Variants in IL12RB2 observed in about 807,000 individuals in gnomAD.
The protein encoded by IL12RB2 is interleukin 12 receptor subunit beta 2.
In IL12RB2, 82 loss-of-function variants were observed where a neutral mutation model predicts 89.4. The ratio of observed to expected loss-of-function variants is 0.92; its 90% CI spans 0.77 to 1.10. IL12RB2 has a LOEUF of 1.10. Among genes scored for constraint, IL12RB2 ranks in the 50% least tolerant of loss-of-function variants. IL12RB2 has a pLI of 0.00. For synonymous variants in IL12RB2, 368 were observed against 370.1 expected, an observed-to-expected ratio of 0.99 and a Z score of 0.07; for missense variants, 963 against 1,031.9, an observed-to-expected ratio of 0.93 and a Z score of 0.92.
chr1:67,329,083 C>T (rs776693516), intron 6 of IL12RB2, among the ~76,000 whole-genome samples: 2 of 152,222 alleles, frequency 1.3e-5, no homozygotes, highest in Non-Finnish European at 2.9e-5. Flanking sequence ...ATTTACTATA[C>T]ACTTTTCCAC....
chr1:67,335,570 C>T (rs1287528158), intron 8 of IL12RB2, among the ~76,000 whole-genome samples: 2 of 152,170 alleles, frequency 1.3e-5, no homozygotes, highest in Non-Finnish European at 2.9e-5. Context: ...TTCCATTTCT[C>T]ATATTTGTAT....
intron 8 of IL12RB2, among the ~76,000 whole-genome samples, chr1:67,336,162 C>G (rs935567952): frequency 1.8e-4 from 28 of 152,176 alleles, no homozygotes; most frequent in African/African-American, 6.8e-4. Context: ...ATGTAGTGAA[C>G]TGTAATGGGA....
At position 67,396,195 on chromosome 1, in the gene IL12RB2, C is replaced by A. The variant is rs533130888; in HGVS notation, c.*106C>A. 92 of 808,276 alleles carry A rather than the reference C, an allele frequency of 1.1e-4. 1 individual carries two copies. Among genetic ancestry groups the A allele is most frequent in the Non-Finnish European group, 8.3e-5 (38 of 458,244 alleles). The allele number at this position is 808,276 out of a possible 1,614,324, so 50.1% of individuals were successfully genotyped here. ...AGCTGTCATCTCTGGGTGCCACCAT[C>A]GGTCTGGCTGCAGCTAGAGGACAGG... is the stretch of plus-strand genomic sequence containing the variant. On this transcript the variant is annotated 3_prime_UTR_variant, in exon 17 of 17. Coordinates refer to ENST00000674203, the MANE Select transcript of IL12RB2 (RefSeq NM_001374259.2).
chr1:67,372,038 TTTTG>T (rs762230667), intron 11 of IL12RB2, among the ~76,000 whole-genome samples: 6 of 151,622 alleles, frequency 4.0e-5, no homozygotes, highest in Non-Finnish European at 7.4e-5. Flanking sequence ...AGGCAAGTTG[TTTTG>T]TTTGTTTCAA....
chr1:67,319,079 G>C (rs1656160838), intron 2 of IL12RB2, among the ~76,000 whole-genome samples: 1 of 152,216 alleles, frequency 6.6e-6, no homozygotes, highest in South Asian at 2.1e-4. Flanking sequence ...TTTGTCTCTA[G>C]CACTTAGTGT....
rs572695018 is a variant in IL12RB2 at position 67,364,983 on chromosome 1, A to G, written c.1259-2842A>G. Among the ~76,000 whole-genome samples the G allele has an allele frequency of 3.6e-4, 55 of 152,356 alleles. No homozygotes were observed. The Middle Eastern group carries it at 0.02, about 57-fold the overall frequency. On this transcript the variant is annotated intron_variant, in intron 10 of 16. Coordinates refer to ENST00000674203, the MANE Select transcript of IL12RB2 (RefSeq NM_001374259.2). ...CGCTCCCAGACCACAGGGGAAATAA[A>G]CTAGAAATCAGTAACAGAAAGATAG...
chr1:67,311,882 C>T (rs1329681108), intron 1 of IL12RB2, among the ~76,000 whole-genome samples: 4 of 152,046 alleles, frequency 2.6e-5, no homozygotes, highest in Non-Finnish European at 5.9e-5. Context: ...TATGTTAATG[C>T]CTTGTAGTAC....
In IL12RB2 at chr1:67,328,182, G is replaced by A. The variant is rs1558305454; in HGVS notation, c.480-18G>A. 1.3e-6 allele frequency: 2 copies of A among 1,547,386 alleles called. No homozygotes were observed. Among genetic ancestry groups the A allele is most frequent in the African/African-American group, 1.4e-5 (1 of 73,746 alleles). ...CACATAAAACATGTTGCTACACGTG[G>A]TTGTGTTTTGTTTACAGGCTAAGTG... On this transcript the variant is annotated intron_variant, in intron 5 of 16. Coordinates refer to ENST00000674203, the MANE Select transcript of IL12RB2 (RefSeq NM_001374259.2).
chr1:67,367,537 GGGAA>G (rs1262780935), intron 10 of IL12RB2, among the ~76,000 whole-genome samples: 5 of 143,494 alleles, frequency 3.5e-5, no homozygotes, highest in East Asian at 4.5e-4. Context: ...GAGGAAGGGA[GGGAA>G]GGAAGGAAGG....
At chr1:67,367,483 G>GGAAA (rs1270813980) in intron 10 of IL12RB2, among the ~76,000 whole-genome samples, 1 of 138,476 alleles carries the variant, frequency 7.2e-6, no homozygotes, top group Non-Finnish European at 1.5e-5. Flanking sequence ...AAGGAAGGAA[G>GGAAA]GAAGCAAAGA....
At position 67,330,807 on chromosome 1, in the gene IL12RB2, G is replaced by A. The variant is rs151216886; in HGVS notation, c.955G>A (p.Glu319Lys). ...ATCATTGAGAGCACAAACACCAGAA[G>A]AAGGTATATGTCCAAAATATACATA... Reference protein sequence around the residue: ...SESLRAQTPEEEPTGMLDVWY... With the variant: ...SESLRAQTPEKEPTGMLDVWY... Residue 319 changes from glutamate (E) to lysine (K), a missense_variant, in exon 8 of 17, where the codon GAA becomes AAA. Coordinates refer to ENST00000674203, the MANE Select transcript of IL12RB2 (RefSeq NM_001374259.2). 225 of 1,540,990 alleles carry A rather than the reference G, an allele frequency of 1.5e-4. 1 individual carries two copies. In the African/African-American group the frequency reaches 2.6e-3, roughly 18 times the overall value.
In IL12RB2 at chr1:67,372,639, C is replaced by T. The variant is rs1663495869; in HGVS notation, c.1573C>T (p.Pro525Ser). 1.2e-6 allele frequency: 2 copies of T among 1,613,622 alleles called. No individual in the cohort carries two copies. Among genetic ancestry groups the T allele is most frequent in the Middle Eastern group, 1.6e-4 (1 of 6,062 alleles). Residue 525 changes from proline to serine, a missense_variant, in exon 13 of 17, where the codon CCC (proline) becomes TCC (serine). By Grantham distance (74) the Pro-to-Ser change is moderately conservative. Transcript: ENST00000674203. ...CTACTTTACAGCACCACTGAGTGGC[C>T]CCCACATTAATGCCATCACAGAGGA... is the stretch of plus-strand genomic sequence containing the variant. ...NSKHKAPLSG[P>S]HINAITEEKG...
chr1:67,338,834 A>T (rs938785556), intron 9 of IL12RB2, 131 bp downstream of exon 9: 20 of 704,956 alleles, frequency 2.8e-5, no homozygotes, highest in Admixed American at 2.4e-4. Context: ...TTCATGACAC[A>T]CCACAGTGTC....
At chr1:67,352,827 C>G (rs910772793) in intron 10 of IL12RB2, among the ~76,000 whole-genome samples, 30 of 152,118 alleles carry the variant, frequency 2.0e-4, no homozygotes, top group African/African-American at 7.2e-4. Context: ...CCAAATCAGA[C>G]TGAGAAAGAG....
intron 8 of IL12RB2, among the ~76,000 whole-genome samples, chr1:67,331,582 G>A (rs532386395): frequency 2.8e-4 from 42 of 152,288 alleles, no homozygotes; most frequent in East Asian, 1.9e-4. Context: ...GCTCAGGCCT[G>A]TAATCCCAGC....
intron 10 of IL12RB2, among the ~76,000 whole-genome samples, chr1:67,352,238 G>T (rs1660930587): frequency 6.6e-6 from 1 of 152,124 alleles, no homozygotes; most frequent in Non-Finnish European, 1.5e-5. Flanking sequence ...ATTTCTCTTA[G>T]GGTTAGGGTT....
At position 67,320,400 on chromosome 1, in the gene IL12RB2, C is replaced by A; in HGVS notation, c.32C>A (p.Ala11Glu). MAHTFRGCSL[A>E]FMFIITWLLI... ...CATACTTTTAGAGGATGCTCATTGG[C>A]ATTTATGTTTATAATCACGTGGCTG... The change falls in exon 3 of 17, where the codon GCA becomes GAA. Residue 11 changes from alanine (A) to glutamate (E), a missense_variant. Transcript: ENST00000674203. 6.2e-7 allele frequency: 1 copy of A among 1,613,940 alleles called. No individual in the cohort carries two copies.
At chr1:67,362,991 C>T (rs1367712072) in intron 10 of IL12RB2, among the ~76,000 whole-genome samples, 2 of 151,340 alleles carry the variant, frequency 1.3e-5, no homozygotes, top group Non-Finnish European at 2.9e-5. Flanking sequence ...CAACTTCCAA[C>T]TCCCTGGTTC....
intron 14 of IL12RB2, among the ~76,000 whole-genome samples, chr1:67,385,958 C>T (rs1665087989): frequency 6.6e-6 from 1 of 152,070 alleles, no homozygotes; most frequent in African/African-American, 2.4e-5. Context: ...CGCCTGTAAT[C>T]CCAGCACTTT....
Sources: allele counts gnomAD v4.1 joint callset (sites outside exome capture counted in the v4.1 genomes callset), GRCh38; gene constraint gnomAD v4.1.1; transcripts MANE v1.5; gene names NCBI Gene and HGNC (gene_info 2026-07-23, HGNC 2026-07-21).